LRP2BP: variants seen among roughly 807,000 people sequenced by gnomAD.
LRP2BP encodes LRP2-binding protein.
Under a neutral mutation model 45.2 loss-of-function variants are expected in LRP2BP, and 38 were observed. The observed-to-expected ratio is 0.84, with a 90% CI of 0.65 to 1.10. The LOEUF (loss-of-function observed/expected upper bound fraction) is 1.10, where lower values mean the gene tolerates loss of function less well. Ranked by LOEUF, LRP2BP falls within the 50% of genes least tolerant of loss-of-function variation. The probability of loss-of-function intolerance (pLI) is 0.00; values close to 1 mark genes in which losing one functional copy is unlikely to be tolerated. For missense variants in LRP2BP, 385 were observed against 418.9 expected (o/e 0.92, Z 0.71); for synonymous variants, 153 against 153.9 (o/e 0.99, Z 0.04).
At chr4:185,386,407 A>G (rs1169911419) in intron 1 of LRP2BP, among the ~76,000 whole-genome samples, 2 of 152,246 alleles carry the variant, frequency 1.3e-5, no homozygotes, top group East Asian at 1.9e-4. Flanking sequence ...ATAACCTCAG[A>G]TAAGTGTCTA....
At chr4:185,386,817 A>G (rs1053791809) in intron 1 of LRP2BP, among the ~76,000 whole-genome samples, 1 of 152,204 alleles carries the variant, frequency 6.6e-6, no homozygotes, top group Admixed American at 6.5e-5. Flanking sequence ...AAGCTGAGGC[A>G]CCAGCACTAC....
At chr4:185,380,260 AATTT>A (rs2095451925) in intron 1 of LRP2BP, among the ~76,000 whole-genome samples, 2 of 152,182 alleles carry the variant, frequency 1.3e-5, no homozygotes, top group South Asian at 4.1e-4. Flanking sequence ...TCTCAGGGAT[AATTT>A]ATTTGTGTTT....
intron 8 of LRP2BP, 52 bp from the exon 9 acceptor site, chr4:185,367,297 TTTC>T (rs755336531): frequency 1.8e-5 from 26 of 1,469,542 alleles, no homozygotes; most frequent in Non-Finnish European, 2.3e-5. Context: ...TGTTTGGGTC[TTTC>T]TTCTTTTTTT....
chr4:185,370,582 C>G, intron 8 of LRP2BP, 58 bp downstream of exon 8: 1 of 1,552,944 alleles, frequency 6.4e-7, no homozygotes, highest in South Asian at 1.2e-5. Context: ...ATTCAAGTTG[C>G]AGCTAAAAGC....
At chr4:185,397,200 C>G, upstream of LRP2BP, 1 of 1,613,988 alleles carries the variant, frequency 6.2e-7, no homozygotes, top group Non-Finnish European at 8.5e-7. Context: ...TCAACGCACC[C>G]CCGGATCCCT....
Position 185,395,817 on chromosome 4 carries a change from A to C in LRP2BP, c.-1060T>G. 1.0e-6 allele frequency: 1 copy of C among 985,432 alleles called. No homozygotes were observed. Among genetic ancestry groups the C allele is most frequent in the Non-Finnish European group, 1.2e-6 (1 of 829,914 alleles). The allele number at this position is 985,432 out of a possible 1,614,324, so 61.0% of individuals were successfully genotyped here. Reference sequence around the variant, plus strand: ...AACGTATTTATTTCTCCGAGCTTTCAAAGGCATCAACAGAAGGGAATCACT... The same window carrying C: ...AACGTATTTATTTCTCCGAGCTTTCCAAGGCATCAACAGAAGGGAATCACT... On this transcript the variant is annotated 5_prime_UTR_variant, in exon 1 of 9. Coordinates refer to ENST00000505916, the MANE Select transcript of LRP2BP (RefSeq NM_001377440.1).
chr4:185,386,242 A>G (rs550302502), intron 1 of LRP2BP, among the ~76,000 whole-genome samples: 9 of 152,368 alleles, frequency 5.9e-5, no homozygotes, highest in Admixed American at 2.0e-4. Context: ...CAAAGGGATC[A>G]GCTTAAAGGC....
upstream of LRP2BP, chr4:185,396,751 C>T: frequency 2.9e-6 from 2 of 688,416 alleles, no homozygotes; most frequent in Non-Finnish European, 5.1e-6. Context: ...GATTAGGCTG[C>T]TCGGGCGTAA....
chr4:185,368,525 C>T (rs1350489136), intron 8 of LRP2BP, among the ~76,000 whole-genome samples: 2 of 152,184 alleles, frequency 1.3e-5, no homozygotes, highest in African/African-American at 2.4e-5. Flanking sequence ...ACACCGCTGT[C>T]GGGACACCTT....
intron 1 of LRP2BP, among the ~76,000 whole-genome samples, chr4:185,381,682 C>T (rs572994707): frequency 2.0e-5 from 3 of 152,218 alleles, no homozygotes; most frequent in African/African-American, 7.2e-5. Context: ...ATGAGACAGC[C>T]TCTAATTCAG....
Position 185,395,857 on chromosome 4 carries a change from A to G in LRP2BP, c.-1100T>C, listed in dbSNP as rs2095500828. 1 of 985,378 alleles carries G rather than the reference A, an allele frequency of 1.0e-6. No homozygotes were observed. The highest frequency in any genetic ancestry group is 1.7e-5 in the African/African-American group (1 of 57,248). The allele number at this position is 985,378 out of a possible 1,614,324, so 61.0% of individuals were successfully genotyped here. A position where few individuals can be genotyped will look rare whatever the true frequency, so the allele number is the denominator to read the frequency against. The stretch of plus-strand genomic sequence containing the variant: ...AGGGAATCACTAAAAATGTAGGGGA[A>G]AAGAAACACTCGGCTGGAGCTTTGG... On this transcript the variant is annotated 5_prime_UTR_variant, in exon 1 of 9. Coordinates refer to ENST00000505916, the MANE Select transcript of LRP2BP (RefSeq NM_001377440.1).
upstream of LRP2BP, chr4:185,396,861 G>A: frequency 2.6e-6 from 4 of 1,557,874 alleles, no homozygotes; most frequent in South Asian, 2.2e-5. Context: ...ACCTGTCGGG[G>A]TGCGGCGAGT....
chr4:185,371,814 C>T (rs910752516), intron 7 of LRP2BP, among the ~76,000 whole-genome samples: 25 of 152,108 alleles, frequency 1.6e-4, no homozygotes, highest in Admixed American at 1.6e-3. Flanking sequence ...GCTGGGGAAG[C>T]GGGGTAGAAG....
upstream of LRP2BP, chr4:185,396,390 G>GAGCCAAAACCTGCAGCCGAAAC (rs2095502928): frequency 6.5e-6 from 1 of 152,880 alleles, no homozygotes; most frequent in Admixed American, 6.5e-5. Context: ...CGCGCCGGCA[G>GAGCCAAAACCTGCAGCCGAAAC]AGCCAAAACC....
upstream of LRP2BP, chr4:185,396,844 C>A (rs371823357): frequency 4.3e-3 from 6,280 of 1,472,446 alleles, 20 homozygotes; most frequent in Non-Finnish European, 5.3e-3. Context: ...CCAGCCTGCG[C>A]ATTCTTACCT....
At chr4:185,378,997 G>A (rs2095447307) in intron 1 of LRP2BP, 4 of 984,388 alleles carry the variant, frequency 4.1e-6, no homozygotes, top group Non-Finnish European at 4.8e-6. Flanking sequence ...ATTCCATGAT[G>A]CTATTTTAGA....
At chr4:185,379,077 A>T (rs995139747) in intron 1 of LRP2BP, 5 of 608,508 alleles carry the variant, frequency 8.2e-6, no homozygotes, top group African/African-American at 8.1e-5. Context: ...AAATCACTGA[A>T]TTATCTTTGT....
At chr4:185,393,966 G>A (rs762400374) in intron 1 of LRP2BP, among the ~76,000 whole-genome samples, 1 of 152,110 alleles carries the variant, frequency 6.6e-6, no homozygotes. Flanking sequence ...TTTCTCTGAA[G>A]ACTCTTTTGC....
upstream of LRP2BP, chr4:185,396,819 T>C (rs1216214054): frequency 8.7e-6 from 11 of 1,269,260 alleles, no homozygotes; most frequent in South Asian, 1.1e-4. Flanking sequence ...GTCTTTAAAT[T>C]CTCCCGTGCT....
Sources: allele counts gnomAD v4.1 joint callset (sites outside exome capture counted in the v4.1 genomes callset), GRCh38; gene constraint gnomAD v4.1.1; transcripts MANE v1.5; gene names NCBI Gene and HGNC (gene_info 2026-07-23, HGNC 2026-07-21).